GRHL2: variants seen among roughly 807,000 people sequenced by gnomAD.
GRHL2 encodes grainyhead like transcription factor 2.
Under a neutral mutation model 83.8 loss-of-function variants are expected in GRHL2, and 21 were observed. The ratio of observed to expected loss-of-function variants is 0.25; its 90% CI spans 0.18 to 0.36. GRHL2 has a LOEUF of 0.36. GRHL2 is among the 10% of genes least tolerant of loss of function. The probability of loss-of-function intolerance (pLI) is 1.00; values close to 1 mark genes in which losing one functional copy is unlikely to be tolerated. For synonymous variants in GRHL2, 280 were observed against 278.9 expected, an observed-to-expected ratio of 1.00 and a Z score of -0.04; for missense variants, 623 against 781.8, an observed-to-expected ratio of 0.80 and a Z score of 2.42.
intron 1 of GRHL2, among the ~76,000 whole-genome samples, chr8:101,525,462 C>T (rs139148288): frequency 1.3e-5 from 2 of 151,860 alleles, no homozygotes; most frequent in Admixed American, 1.3e-4. Flanking sequence ...TAATTGTAAA[C>T]CATGTGATAG....
At chr8:101,576,550 G>C (rs1189085102) in intron 6 of GRHL2, among the ~76,000 whole-genome samples, 1 of 152,146 alleles carries the variant, frequency 6.6e-6, no homozygotes, top group Non-Finnish European at 1.5e-5. Flanking sequence ...GAGAGTCCAT[G>C]AAATATTTTT....
intron 7 of GRHL2, among the ~76,000 whole-genome samples, chr8:101,585,459 T>C (rs1812144864): frequency 6.6e-6 from 1 of 152,180 alleles, no homozygotes; most frequent in Admixed American, 6.5e-5. Flanking sequence ...ATTAAGGCTG[T>C]AGTTGGAGCT....
At chr8:101,619,255 A>AAAAATAAAAT (rs1246877235) in intron 8 of GRHL2, among the ~76,000 whole-genome samples, 1 of 152,306 alleles carries the variant, frequency 6.6e-6, no homozygotes, top group African/African-American at 2.4e-5. Flanking sequence ...TCTGTCTCAA[A>AAAAATAAAAT]AAAATAAAAT....
chr8:101,658,293 C>A (rs1362801641), intron 14 of GRHL2, among the ~76,000 whole-genome samples: 2 of 152,154 alleles, frequency 1.3e-5, no homozygotes, highest in Non-Finnish European at 2.9e-5. Flanking sequence ...AACATATGCC[C>A]ATTTTCTCTA....
intron 12 of GRHL2, among the ~76,000 whole-genome samples, chr8:101,640,125 G>A (rs928572364): frequency 7.2e-5 from 11 of 152,166 alleles, no homozygotes; most frequent in African/African-American, 2.7e-4. Flanking sequence ...TCACCTGGGG[G>A]TTTAAAAAAT....
intron 2 of GRHL2, among the ~76,000 whole-genome samples, chr8:101,550,146 T>C (rs1181545554): frequency 6.7e-6 from 1 of 149,566 alleles, no homozygotes; most frequent in Non-Finnish European, 1.5e-5. Flanking sequence ...TTTTAATTAT[T>C]ATACTTTAAG....
In GRHL2 at chr8:101,545,678, G is replaced by A. The variant is rs111382010; in HGVS notation, c.216+2242G>A. Among the ~76,000 whole-genome samples, 36 of 151,936 alleles carry A rather than the reference G, an allele frequency of 2.4e-4. 1 individual carries two copies. The highest frequency in any genetic ancestry group is 6.0e-4 in the African/African-American group (25 of 41,484). The stretch of plus-strand genomic sequence containing the variant: ...AGAACTCATCAAATTAGGCTGCTTC[G>A]TGTACTGGGCCACTTCTTGAGGGCT... On this transcript the variant is annotated intron_variant, in intron 2 of 15. Transcript: ENST00000646743.
intron 1 of GRHL2, among the ~76,000 whole-genome samples, chr8:101,529,975 A>G (rs1810890057): frequency 6.6e-6 from 1 of 152,122 alleles, no homozygotes; most frequent in Admixed American, 6.5e-5. Flanking sequence ...AAGTTACTCT[A>G]GGTGTTTTAC....
At chr8:101,584,370 A>G (rs144422127) in intron 7 of GRHL2, among the ~76,000 whole-genome samples, 2 of 152,278 alleles carry the variant, frequency 1.3e-5, no homozygotes, top group East Asian at 1.9e-4. Flanking sequence ...TGAAAACTTA[A>G]GTTTTCAAAA....
At chr8:101,614,353 T>C (rs1017695292) in intron 8 of GRHL2, among the ~76,000 whole-genome samples, 2 of 151,208 alleles carry the variant, frequency 1.3e-5, no homozygotes, top group African/African-American at 2.5e-5. Context: ...AAAATTGTAT[T>C]TATTATCTGC....
intron 6 of GRHL2, among the ~76,000 whole-genome samples, chr8:101,574,101 G>A (rs377172707): frequency 3.3e-5 from 5 of 152,108 alleles, no homozygotes; most frequent in South Asian, 4.2e-4. Flanking sequence ...GTGCTTCCTC[G>A]TTGTTGTTAT....
chr8:101,546,403 T>C (rs1468102782), intron 2 of GRHL2, among the ~76,000 whole-genome samples: 3 of 148,338 alleles, frequency 2.0e-5, no homozygotes, highest in Non-Finnish European at 4.4e-5. Context: ...GAAACAAACA[T>C]AATTAGTAAT....
chr8:101,646,536 G>A (rs1813514740), intron 13 of GRHL2, among the ~76,000 whole-genome samples: 3 of 152,222 alleles, frequency 2.0e-5, no homozygotes, highest in Non-Finnish European at 2.9e-5. Flanking sequence ...TGGGGTTACT[G>A]GGCCCCTTGC....
Position 101,665,985 on chromosome 8 carries a change from T to G in GRHL2, c.1764-604T>G, listed in dbSNP as rs75593867. Among the ~76,000 whole-genome samples, 1,459 of 152,314 alleles carry G rather than the reference T, an allele frequency of 9.6e-3. 14 individuals carry two copies. The highest frequency in any genetic ancestry group is 0.033 in the African/African-American group (1,387 of 41,584). ...TACAAGTGTCAGAATGAGGTAAAGC[T>G]AATTTCAAAATCAAGCTCAGCCATG... is the stretch of plus-strand genomic sequence containing the variant. On this transcript the variant is annotated intron_variant, in intron 15 of 15. Transcript: ENST00000646743.
At chr8:101,523,346 A>G (rs970641864) in intron 1 of GRHL2, among the ~76,000 whole-genome samples, 4 of 151,990 alleles carry the variant, frequency 2.6e-5, no homozygotes, top group African/African-American at 7.3e-5. Flanking sequence ...CCATGCTTTT[A>G]TGTATGAAGC....
chr8:101,626,487 G>A (rs534393860), intron 9 of GRHL2, among the ~76,000 whole-genome samples: 1 of 152,104 alleles, frequency 6.6e-6, no homozygotes, highest in East Asian at 1.9e-4. Context: ...TGAAGGTTTT[G>A]TATTACTGCA....
Position 101,508,091 on chromosome 8 carries a change from T to A in GRHL2, c.20+15302T>A, listed in dbSNP as rs545411468. On this transcript the variant is annotated intron_variant, in intron 1 of 15. Coordinates refer to ENST00000646743, the MANE Select transcript of GRHL2 (RefSeq NM_024915.4). ...GTGAGCCACCGTGCTTGGCCTTGAATGATTATCCTTATCACTAAATTTTGC... is the reference window on the plus strand; with the variant it reads ...GTGAGCCACCGTGCTTGGCCTTGAAAGATTATCCTTATCACTAAATTTTGC... 2.5e-4 allele frequency among the ~76,000 whole-genome samples: 38 copies of A among 152,294 alleles called. 1 individual carries two copies. The South Asian group carries it at 7.7e-3, about 31-fold the overall frequency.
chr8:101,550,870 G>A (rs1349673086), intron 2 of GRHL2, among the ~76,000 whole-genome samples: 1 of 152,136 alleles, frequency 6.6e-6, no homozygotes, highest in Non-Finnish European at 1.5e-5. Context: ...TTGTCCTTTT[G>A]TATCTGGCTT....
intron 3 of GRHL2, among the ~76,000 whole-genome samples, chr8:101,553,659 C>T (rs1055238670): frequency 2.8e-5 from 4 of 141,684 alleles, no homozygotes; most frequent in East Asian, 2.1e-4. Flanking sequence ...GACGGAGTCT[C>T]GCTCTGTCAC....
Sources: gnomAD v4.1 joint callset for allele counts (sites outside exome capture counted in the v4.1 genomes callset) on GRCh38, gnomAD v4.1.1 for gene constraint, MANE v1.5 for transcripts, NCBI Gene and HGNC (gene_info 2026-07-23, HGNC 2026-07-21) for gene names.